Variants in IL24 observed in about 807,000 individuals in gnomAD.
IL24 encodes the protein interleukin-24.
In IL24, 24 loss-of-function variants were observed where a neutral mutation model predicts 27.6. The observed-to-expected ratio is 0.87, with a 90% CI of 0.63 to 1.22. The LOEUF (loss-of-function observed/expected upper bound fraction) is 1.22, where lower values mean the gene tolerates loss of function less well. IL24 is among the 50% of genes most tolerant of loss of function. IL24 has a pLI of 0.00. For synonymous variants in IL24, 99 were observed against 93.1 expected (o/e 1.06, Z -0.36); for missense variants, 240 against 237.0 (o/e 1.01, Z -0.08).
chr1:206,897,640 CT>C (rs1192971479), intron 1 of IL24, 25 bp downstream of exon 1: 273 of 469,978 alleles, frequency 5.8e-4, no homozygotes, highest in South Asian at 8.0e-4. Context: ...TTCTTGGTTA[CT>C]TTTTTTTGAA....
Position 206,903,050 on chromosome 1 carries a change from C to T in IL24, c.612C>T (p.Tyr204=), listed in dbSNP as rs897830604. ...TTCTGACCTGGATGCAGAAATTCTA[C>T]AAGCTCTGAATGTCTAGACCAGGAC... is the stretch of plus-strand genomic sequence containing the variant. ...DILLTWMQKF[Y]KL The change falls in exon 7 of 7, where the codon TAC becomes TAT. Residue 204 remains tyrosine, a synonymous_variant. Transcript: ENST00000294984. 10 of 1,613,872 alleles carry T rather than the reference C, an allele frequency of 6.2e-6. No individual in the cohort carries two copies. The highest frequency in any genetic ancestry group is 5.0e-5 in the Admixed American group (3 of 60,016).
At position 206,899,481 on chromosome 1, in the gene IL24, T is replaced by G; in HGVS notation, c.206T>G (p.Leu69Arg). 1.9e-6 allele frequency: 3 copies of G among 1,612,366 alleles called. No individual in the cohort carries two copies. The highest frequency in any genetic ancestry group is 2.5e-6 in the Non-Finnish European group (3 of 1,179,092). ...CQVKGVVPQK[L>R]WEAFWAVKDT... ...GTGAAGGGGGTTGTTCCCCAGAAACTGTGGGAAGCCTTCTGGGCTGTGAAA... is the reference window on the plus strand; with the variant it reads ...GTGAAGGGGGTTGTTCCCCAGAAACGGTGGGAAGCCTTCTGGGCTGTGAAA... The change falls in exon 3 of 7, where the codon CTG (leucine) becomes CGG (arginine). Residue 69 changes from leucine (L) to arginine (R), a missense_variant. Leu to Arg is a moderately radical substitution (Grantham distance 102). Coordinates refer to ENST00000294984, the MANE Select transcript of IL24 (RefSeq NM_006850.3).
intron 6 of IL24, 44 bp downstream of exon 6, chr1:206,902,116 TA>T (rs777408537): frequency 3.1e-6 from 5 of 1,610,406 alleles, no homozygotes; most frequent in Non-Finnish European, 3.4e-6. Flanking sequence ...CAGAATAGAC[TA>T]GTCTGCACCA....
chr1:206,899,487 A>G lies in IL24; in HGVS notation c.212A>G (p.Glu71Gly). The change falls in exon 3 of 7, where the codon GAA (glutamate) becomes GGA (glycine). Residue 71 changes from glutamate to glycine, a missense_variant. Glu to Gly is a moderately conservative substitution (Grantham distance 98). Transcript: ENST00000294984. Reference sequence around the variant, plus strand: ...GGGGTTGTTCCCCAGAAACTGTGGGAAGCCTTCTGGGCTGTGAAAGACACT... The same window carrying G: ...GGGGTTGTTCCCCAGAAACTGTGGGGAGCCTTCTGGGCTGTGAAAGACACT... ...VKGVVPQKLW[E>G]AFWAVKDTMQ... is the part of the protein sequence containing the mutation. The G allele has an allele frequency of 1.9e-6, 3 of 1,611,476 alleles. No individual in the cohort carries two copies. In the South Asian group the frequency reaches 3.3e-5, roughly 18 times the overall value.
In IL24 at chr1:206,898,092, G is replaced by A. The variant is rs3093419; in HGVS notation, c.44+216G>A. ...TGAGGCATGAGCATCACTTGAACCT[G>A]GTAGGCAGAGGTTGCAGTGAGCCGA... On this transcript the variant is annotated intron_variant, in intron 2 of 6. Transcript: ENST00000294984. 2.4e-3 allele frequency among the ~76,000 whole-genome samples: 363 copies of A among 150,954 alleles called. 1 individual carries two copies. The highest frequency in any genetic ancestry group is 3.8e-3 in the Non-Finnish European group (257 of 67,876).
At position 206,903,660 on chromosome 1, in the gene IL24, A is replaced by G. The variant is rs919153735; in HGVS notation, c.*601A>G. ...AGTGCCCAGCACAAAGCAGATCCTCAATAAACATTTCATTTCCCACCCACA... is the reference window on the plus strand; with the variant it reads ...AGTGCCCAGCACAAAGCAGATCCTCGATAAACATTTCATTTCCCACCCACA... On this transcript the variant is annotated 3_prime_UTR_variant, in exon 7 of 7. Coordinates refer to ENST00000294984, the MANE Select transcript of IL24 (RefSeq NM_006850.3). 2.0e-5 allele frequency: 3 copies of G among 152,382 alleles called. No homozygotes were observed. Among genetic ancestry groups the G allele is most frequent in the Admixed American group, 6.5e-5 (1 of 15,290 alleles). 9.4% of individuals were successfully genotyped at this position (152,382 alleles called of 1,614,324 possible).
In IL24 at chr1:206,901,664, A is replaced by T. The variant is rs1349412031; in HGVS notation, c.462+12A>T. The T allele has an allele frequency of 1.2e-6, 2 of 1,610,208 alleles. No homozygotes were observed. The highest frequency in any genetic ancestry group is 1.7e-6 in the Non-Finnish European group (2 of 1,177,090). On this transcript the variant is annotated intron_variant, in intron 5 of 6. Coordinates refer to ENST00000294984, the MANE Select transcript of IL24 (RefSeq NM_006850.3). ...AACTGCAACCCAGTGTGAGTAGCAC[A>T]CGCTCTGGATACTGGCAGCTCTGGG...
chr1:206,898,771 C>T, intron 2 of IL24, among the ~76,000 whole-genome samples: 1 of 152,152 alleles, frequency 6.6e-6, no homozygotes, highest in East Asian at 1.9e-4. Flanking sequence ...CTGACCTGCC[C>T]TCTGTGCCCC....
At chr1:206,900,100 G>A (rs776811930) in intron 3 of IL24, among the ~76,000 whole-genome samples, 195 bp from the exon 4 acceptor site, 15 of 152,236 alleles carry the variant, frequency 9.9e-5, no homozygotes, top group East Asian at 5.8e-4. Context: ...AGTCATTTTC[G>A]TGGCTGCAAC....
intron 4 of IL24, 24 bp downstream of exon 4, chr1:206,900,381 C>A (rs202120359): frequency 6.2e-7 from 1 of 1,610,826 alleles, no homozygotes; most frequent in Non-Finnish European, 8.5e-7. Flanking sequence ...GGGGACACCA[C>A]CCTCTGTGGG....
In IL24 at chr1:206,899,915, C is replaced by T. The variant is rs184326537; in HGVS notation, c.241-380C>T. Among the ~76,000 whole-genome samples the T allele has an allele frequency of 2.5e-3, 374 of 152,280 alleles. 1 individual carries two copies. The highest frequency in any genetic ancestry group is 8.6e-3 in the African/African-American group (358 of 41,554). ...CCTCCCTCACATCCTGCTTCCTCAC[C>T]ACATGGAATATGGAGCCAAAATCCT... On this transcript the variant is annotated intron_variant, in intron 3 of 6. Transcript: ENST00000294984.
rs3093429 is a variant in IL24 at position 206,900,936 on chromosome 1, C to T, written c.304-558C>T. On this transcript the variant is annotated intron_variant, in intron 4 of 6. Transcript: ENST00000294984. The stretch of plus-strand genomic sequence containing the variant: ...ACCACAATCAGGTAGAGTATGTTAT[C>T]AAGGATGGGTCACCATCTTCTCATC... 2.4e-3 allele frequency among the ~76,000 whole-genome samples: 367 copies of T among 152,178 alleles called. 1 individual carries two copies. The highest frequency in any genetic ancestry group is 7.0e-3 in the African/African-American group (290 of 41,498).
chr1:206,901,373 C>A, intron 4 of IL24, 121 bp from the exon 5 acceptor site: 1 of 1,150,400 alleles, frequency 8.7e-7, no homozygotes, highest in Non-Finnish European at 1.2e-6. Context: ...TTCATCATCA[C>A]CTTCTAGAAG....
At position 206,903,125 on chromosome 1, in the gene IL24, C is replaced by A. The variant is rs1359169963; in HGVS notation, c.*66C>A. 7.4e-7 allele frequency: 1 copy of A among 1,344,532 alleles called. No individual in the cohort carries two copies. The highest frequency in any genetic ancestry group is 2.3e-5 in the East Asian group (1 of 43,558). The allele number at this position is 1,344,532 out of a possible 1,614,324, so 83.3% of individuals were successfully genotyped here. A position where few individuals can be genotyped will look rare whatever the true frequency, so the allele number is the denominator to read the frequency against. On this transcript the variant is annotated 3_prime_UTR_variant, in exon 7 of 7. Transcript: ENST00000294984. ...TTCCCTGTGTCATTTCAAACAGTCT[C>A]CCTTCCTATGCTGTTCACTGGACAC...
chr1:206,900,211 G>T, intron 3 of IL24, 84 bp from the exon 4 acceptor site: 1 of 1,227,492 alleles, frequency 8.1e-7, no homozygotes. Flanking sequence ...AGATTTAGGG[G>T]TCTAGGGAAG....
chr1:206,902,939 C>T (rs1262514659), intron 6 of IL24, 37 bp from the exon 7 acceptor site: 3 of 1,613,958 alleles, frequency 1.9e-6, no homozygotes, highest in Non-Finnish European at 2.5e-6. Context: ...ATTCTCATAG[C>T]TAACATGGCT....
At chr1:206,898,118 G>A (rs559897661) in intron 2 of IL24, among the ~76,000 whole-genome samples, 1 of 143,988 alleles carries the variant, frequency 6.9e-6, no homozygotes, top group South Asian at 2.3e-4. Flanking sequence ...AGTGAGCCGA[G>A]ATCATGCCAC....
Position 206,900,315 on chromosome 1 carries a change from G to T in IL24, c.261G>T (p.Thr87=). The part of the protein sequence containing the change: ...KDTMQAQDNI[T]SARLLQQEVL... ...CCAAGCAAGCTCAGGATAACATCACGAGTGCCCGGCTGCTGCAGCAGGAGG... is the reference window on the plus strand; with the variant it reads ...CCAAGCAAGCTCAGGATAACATCACTAGTGCCCGGCTGCTGCAGCAGGAGG... The change falls in exon 4 of 7, where the codon ACG becomes ACT. Residue 87 remains threonine, a synonymous_variant. Coordinates refer to ENST00000294984, the MANE Select transcript of IL24 (RefSeq NM_006850.3). 6.2e-7 allele frequency: 1 copy of T among 1,613,912 alleles called. No individual in the cohort carries two copies. The highest frequency in any genetic ancestry group is 8.5e-7 in the Non-Finnish European group (1 of 1,179,970).
At position 206,897,718 on chromosome 1, in the gene IL24, A is replaced by T; in HGVS notation, c.-102-13A>T. On this transcript the variant is annotated splice_polypyrimidine_tract_variant and intron_variant, in intron 1 of 6. Coordinates refer to ENST00000294984, the MANE Select transcript of IL24 (RefSeq NM_006850.3). ...GGGACAGCAGAAGTCAATTTTTTTG[A>T]GTGTTGATGTAGGGACAAGACATGA... 1 of 1,032,052 alleles carries T rather than the reference A, an allele frequency of 9.7e-7. No homozygotes were observed. Among genetic ancestry groups the T allele is most frequent in the Admixed American group, 2.1e-5 (1 of 48,094 alleles). 63.9% of individuals were successfully genotyped at this position (1,032,052 alleles called of 1,614,324 possible). A position where few individuals can be genotyped will look rare whatever the true frequency, so the allele number is the denominator to read the frequency against.
Sources: gnomAD v4.1 joint callset for allele counts (sites outside exome capture counted in the v4.1 genomes callset) on GRCh38, gnomAD v4.1.1 for gene constraint, MANE v1.5 for transcripts, NCBI Gene and HGNC (gene_info 2026-07-23, HGNC 2026-07-21) for gene names.